The following CPT1B variants were observed in gnomAD, a reference collection of about 807,000 sequenced individuals.
The protein encoded by CPT1B is carnitine O-palmitoyltransferase 1, muscle isoform.
A neutral mutation model predicts 92.7 loss-of-function variants in CPT1B; 57 were observed. The observed-to-expected ratio is 0.62, with a 90% confidence interval of 0.50 to 0.77. The LOEUF (loss-of-function observed/expected upper bound fraction) is 0.77, where lower values mean the gene tolerates loss of function less well. CPT1B is among the 30% of genes least tolerant of loss of function. The pLI is 0.00. For synonymous variants in CPT1B, 398 were observed against 383.5 expected, an observed-to-expected ratio of 1.04 and a Z score of -0.44; for missense variants, 983 against 1,017.4, an observed-to-expected ratio of 0.97 and a Z score of 0.46.
Position 50,576,884 on chromosome 22 carries a change from C to T in CPT1B, c.432G>A (p.Lys144=). 1 of 1,614,062 alleles carries T rather than the reference C, an allele frequency of 6.2e-7. No homozygotes were observed. Residue 144 remains lysine, a synonymous_variant, in exon 4 of 20, where the codon AAG becomes AAA. Coordinates refer to ENST00000312108, the MANE Select transcript of CPT1B (RefSeq NM_152246.3). ...YHGWMFEMHG[K]TSNLTRIWAM... ...CCCAGATCCTGGTCAAGTTGCTGGTCTTGCCATGCATCTCAAACATCCACC... is the reference window on the plus strand; with the variant it reads ...CCCAGATCCTGGTCAAGTTGCTGGTTTTGCCATGCATCTCAAACATCCACC...
Position 50,574,473 on chromosome 22 carries a change from T to C in CPT1B, c.885+20A>G, listed in dbSNP as rs2070340403. The C allele has an allele frequency of 6.2e-7, 1 of 1,613,884 alleles. No individual in the cohort carries two copies. Among genetic ancestry groups the C allele is most frequent in the Non-Finnish European group, 8.5e-7 (1 of 1,179,914 alleles). On this transcript the variant is annotated intron_variant, in intron 8 of 19. Transcript: ENST00000312108. Reference sequence around the variant, plus strand: ...TCAGGTCTCCCCTCCCATCCCACCTTCAACCCTGACGCAACTCACAGGCTT... The same window carrying C: ...TCAGGTCTCCCCTCCCATCCCACCTCCAACCCTGACGCAACTCACAGGCTT...
chr22:50,577,975 GGCCCC>G lies in CPT1B; in HGVS notation c.-19-46_-19-42del, dbSNP rs2070543523. 32 of 1,470,742 alleles carry G rather than the reference GGCCCC, an allele frequency of 2.2e-5. 1 individual carries two copies. The South Asian group carries it at 3.8e-4, about 17-fold the overall frequency. 91.1% of individuals were successfully genotyped at this position (1,470,742 alleles called of 1,614,324 possible). A position where few individuals can be genotyped will look rare whatever the true frequency, so the allele number is the denominator to read the frequency against. ...ATGGGTGCGCGGGCGCGCTTAGGCC[GGCCCC>G]GCCGCCAGCCGCGCCGAGACGCCCC... On this transcript the variant is annotated intron_variant, in intron 1 of 19. Coordinates refer to ENST00000312108, the MANE Select transcript of CPT1B (RefSeq NM_152246.3).
chr22:50,577,575 G>C, intron 2 of CPT1B, 112 bp from the exon 3 acceptor site: 1 of 1,459,832 alleles, frequency 6.9e-7, no homozygotes. Context: ...CTCTCCTGAT[G>C]CCCTGCTGTG....
intron 1 of CPT1B, 44 bp from the exon 2 acceptor site, chr22:50,577,978 C>T (rs2070544012): frequency 6.8e-7 from 1 of 1,463,060 alleles, no homozygotes; most frequent in Non-Finnish European, 9.1e-7. Context: ...TTAGGCCGGC[C>T]CCGCCGCCAG....
At chr22:50,577,698 G>GA (rs2070519674) in intron 2 of CPT1B, 77 bp downstream of exon 2, 2 of 1,575,114 alleles carry the variant, frequency 1.3e-6, no homozygotes, top group African/African-American at 2.7e-5. Flanking sequence ...CAAGGAGGCA[G>GA]TGAGGGACCC....
In CPT1B at chr22:50,571,203, G is replaced by A. The variant is rs751857890; in HGVS notation, c.1830C>T (p.Ser610=). Residue 610 remains serine, a synonymous_variant, in exon 15 of 20, where the codon AGC becomes AGT. Transcript: ENST00000312108. ...GRTETVRSCT[S]ESTAFVQAMM... Reference sequence around the variant, plus strand: ...TGGCCTGCACAAAGGCTGTGGACTCGCTGGTACAGGAACGCACAGTCTCAG... The same window carrying A: ...TGGCCTGCACAAAGGCTGTGGACTCACTGGTACAGGAACGCACAGTCTCAG... The A allele has an allele frequency of 1.7e-5, 28 of 1,614,016 alleles. No homozygotes were observed. The African/African-American group carries it at 2.8e-4, about 16-fold the overall frequency.
In CPT1B at chr22:50,574,366, G is replaced by C. The variant is rs1200939678; in HGVS notation, c.939C>G (p.Phe313Leu). ...CCTTGCCCGGGATCCGAGTGGTGTTGAACATCCTCTCCATCTGGTAGGAGC... is the reference window on the plus strand; with the variant it reads ...CCTTGCCCGGGATCCGAGTGGTGTTCAACATCCTCTCCATCTGGTAGGAGC... ...PMCSYQMERM[F>L]NTTRIPGKDT... Residue 313 changes from phenylalanine to leucine, a missense_variant, in exon 9 of 20, where the codon TTC becomes TTG. Physicochemically the swap from Phe to Leu is conservative, Grantham distance 22. Coordinates refer to ENST00000312108, the MANE Select transcript of CPT1B (RefSeq NM_152246.3). 1.2e-6 allele frequency: 2 copies of C among 1,613,932 alleles called. No homozygotes were observed. Among genetic ancestry groups the C allele is most frequent in the Admixed American group, 3.3e-5 (2 of 59,980 alleles).
intron 7 of CPT1B, among the ~76,000 whole-genome samples, chr22:50,575,742 A>G (rs893232264): frequency 6.6e-6 from 1 of 152,210 alleles, no homozygotes. Context: ...GAAACCAAGG[A>G]AAGAGGTGAC....
chr22:50,571,791 CT>C, intron 13 of CPT1B: 1 of 655,694 alleles, frequency 1.5e-6, no homozygotes, highest in Middle Eastern at 4.2e-4. Flanking sequence ...TCATGGCTGT[CT>C]CTAAACACAG....
intron 9 of CPT1B, 147 bp downstream of exon 9, chr22:50,574,188 A>G: frequency 4.2e-6 from 3 of 715,674 alleles, no homozygotes; most frequent in Non-Finnish European, 7.4e-6. Flanking sequence ...TCATGCCTGT[A>G]AACAATGGAT....
In CPT1B at chr22:50,576,278, G is replaced by C. The variant is rs370958863; in HGVS notation, c.619C>G (p.Leu207Val). ...GTCTTGTCCTGGAATTCTTTGGCCA[G>C]CAACTCCATGCGGTAATATTCCTCA... is the stretch of plus-strand genomic sequence containing the variant. ...DDEEYYRMEL[L>V]AKEFQDKTAP... Residue 207 changes from leucine (L) to valine (V), a missense_variant, in exon 6 of 20, where the codon CTG becomes GTG. By Grantham distance (32) the Leu-to-Val change is conservative. Coordinates refer to ENST00000312108, the MANE Select transcript of CPT1B (RefSeq NM_152246.3). 3 of 1,613,950 alleles carry C rather than the reference G, an allele frequency of 1.9e-6. No individual in the cohort carries two copies. In the African/African-American group the frequency reaches 4.0e-5, roughly 22 times the overall value.
rs77508330 is a variant in CPT1B at position 50,572,497 on chromosome 22, C to T, written c.1353-189G>A. On this transcript the variant is annotated intron_variant, in intron 11 of 19. Coordinates refer to ENST00000312108, the MANE Select transcript of CPT1B (RefSeq NM_152246.3). Reference sequence around the variant, plus strand: ...GAGTGCAGTGGTGTGATCTTAGCTTCCCATAACCTCCCGGGTTCAAGGGCT... The same window carrying T: ...GAGTGCAGTGGTGTGATCTTAGCTTTCCATAACCTCCCGGGTTCAAGGGCT... Among the ~76,000 whole-genome samples, 435 of 151,642 alleles carry T rather than the reference C, an allele frequency of 2.9e-3. 2 individuals are homozygous for T. Among genetic ancestry groups the T allele is most frequent in the African/African-American group, 1.0e-2 (412 of 41,276 alleles).
Position 50,573,185 on chromosome 22 carries a change from G to A in CPT1B, c.1167-125C>T, listed in dbSNP as rs537852929. Reference sequence around the variant, plus strand: ...TGGACCTGGAGATGGGGGGTACCACGCTGGACCTGGAGATGTGGGGGTGCC... The same window carrying A: ...TGGACCTGGAGATGGGGGGTACCACACTGGACCTGGAGATGTGGGGGTGCC... On this transcript the variant is annotated intron_variant, in intron 10 of 19. Transcript: ENST00000312108. The surrounding 1 kb of genome is among the most constrained non-coding windows in gnomAD (Gnocchi z 5.0). 5.0e-6 allele frequency: 4 copies of A among 807,576 alleles called. No homozygotes were observed. The highest frequency in any genetic ancestry group is 5.8e-6 in the Non-Finnish European group (3 of 516,720). 50.0% of individuals were successfully genotyped at this position (807,576 alleles called of 1,614,324 possible).
intron 17 of CPT1B, among the ~76,000 whole-genome samples, chr22:50,569,912 C>T (rs1245949963): frequency 1.3e-5 from 2 of 152,180 alleles, no homozygotes; most frequent in Non-Finnish European, 2.9e-5. Context: ...ATCACTCCGT[C>T]TCTCTCCAGA....
Position 50,577,559 on chromosome 22 carries a change from G to C in CPT1B, c.142-96C>G, listed in dbSNP as rs535673116. On this transcript the variant is annotated intron_variant, in intron 2 of 19. Coordinates refer to ENST00000312108, the MANE Select transcript of CPT1B (RefSeq NM_152246.3). ...ACTGGCTCCTGGTCTTGGCCTGGAA[G>C]GCTTTCTCTCCTGATGCCCTGCTGT... 3.7e-5 allele frequency: 57 copies of C among 1,521,816 alleles called. No homozygotes were observed. The East Asian group carries it at 1.3e-3, about 34-fold the overall frequency. 94.3% of individuals were successfully genotyped at this position (1,521,816 alleles called of 1,614,324 possible). A position where few individuals can be genotyped will look rare whatever the true frequency, so the allele number is the denominator to read the frequency against.
chr22:50,570,852 G>T (rs1603443231), intron 16 of CPT1B, 39 bp downstream of exon 16: 1 of 1,601,266 alleles, frequency 6.2e-7, no homozygotes, highest in Non-Finnish European at 8.5e-7. Flanking sequence ...CGTGTAGGAG[G>T]GCAGTGGGAC....
At chr22:50,572,762 G>A (rs1415590359) in intron 11 of CPT1B, 113 bp downstream of exon 11, 2 of 1,179,522 alleles carry the variant, frequency 1.7e-6, no homozygotes, top group African/African-American at 1.5e-5. Flanking sequence ...AGGATCACAG[G>A]TGTGTGCCAC....
At chr22:50,569,510 C>A in intron 18 of CPT1B, 66 bp downstream of exon 18, 3 of 1,605,310 alleles carry the variant, frequency 1.9e-6, no homozygotes, top group Non-Finnish European at 2.6e-6. Flanking sequence ...GCCAAAGACA[C>A]CTGTGTTCCT....
chr22:50,571,148 G>C lies in CPT1B; in HGVS notation c.1875+10C>G. 6.2e-7 allele frequency: 1 copy of C among 1,614,040 alleles called. No homozygotes were observed. The highest frequency in any genetic ancestry group is 8.5e-7 in the Non-Finnish European group (1 of 1,179,934). ...CGACTGTGACCCCCACATGGGCAGA[G>C]GACACTTACTGTGTGGGACCCCTCC... On this transcript the variant is annotated intron_variant, in intron 15 of 19. Coordinates refer to ENST00000312108, the MANE Select transcript of CPT1B (RefSeq NM_152246.3).
Sources: allele counts gnomAD v4.1 joint callset (sites outside exome capture counted in the v4.1 genomes callset), GRCh38; gene constraint gnomAD v4.1.1; non-coding constraint Gnocchi (gnomAD v3.1); transcripts MANE v1.5; gene names NCBI Gene and HGNC (gene_info 2026-07-23, HGNC 2026-07-21).